Variants in EVA1C observed in about 807,000 individuals in gnomAD.
EVA1C encodes the protein protein eva-1 homolog C.
In EVA1C, 25 loss-of-function variants were observed where a neutral mutation model predicts 45.4. The ratio of observed to expected loss-of-function variants is 0.55; its 90% CI spans 0.40 to 0.77. EVA1C has a LOEUF of 0.77. EVA1C is among the 30% of genes least tolerant of loss of function. EVA1C has a pLI of 0.00. For synonymous variants in EVA1C, 190 were observed against 221.2 expected (o/e 0.86, Z 1.25); for missense variants, 479 against 554.8 (o/e 0.86, Z 1.37).
intron 1 of EVA1C, among the ~76,000 whole-genome samples, chr21:32,444,941 T>C (rs1448308218): frequency 1.3e-5 from 2 of 150,816 alleles, no homozygotes; most frequent in Non-Finnish European, 3.0e-5. Flanking sequence ...TTGGGACACA[T>C]ACCATGATTC....
chr21:32,495,541 T>C (rs1443405080), intron 5 of EVA1C, among the ~76,000 whole-genome samples: 2 of 152,222 alleles, frequency 1.3e-5, no homozygotes, highest in African/African-American at 2.4e-5. Context: ...TCGAATTATG[T>C]GTCTCCTATT....
intron 5 of EVA1C, among the ~76,000 whole-genome samples, chr21:32,500,329 T>G (rs2037488336): frequency 6.6e-6 from 1 of 151,822 alleles, no homozygotes; most frequent in South Asian, 2.1e-4. Context: ...TTTGTATCTT[T>G]TAGTAGAGAT....
At chr21:32,471,088 A>G (rs2036353713) in intron 4 of EVA1C, among the ~76,000 whole-genome samples, 2 of 246 alleles carry the variant, frequency 8.1e-3, no homozygotes, top group Admixed American at 0.056. Flanking sequence ...CAAATCTGTC[A>G]CTAACCCTTC....
chr21:32,427,285 T>G (rs991910154), intron 1 of EVA1C, among the ~76,000 whole-genome samples: 6 of 152,228 alleles, frequency 3.9e-5, no homozygotes, highest in African/African-American at 1.4e-4. Flanking sequence ...ATACATTTGT[T>G]TTTTCAGAGC....
intron 4 of EVA1C, among the ~76,000 whole-genome samples, chr21:32,478,888 G>T (rs756678019): frequency 1.3e-5 from 2 of 152,214 alleles, no homozygotes; most frequent in East Asian, 3.9e-4. Context: ...CTGGGCTAAG[G>T]CCACTCCGAG....
intron 4 of EVA1C, among the ~76,000 whole-genome samples, chr21:32,484,750 C>A (rs919226609): frequency 1.3e-5 from 2 of 152,076 alleles, no homozygotes; most frequent in Non-Finnish European, 2.9e-5. Context: ...TGGACAGGCA[C>A]CTTTGGCCTC....
At chr21:32,477,145 C>G (rs902129028) in intron 4 of EVA1C, among the ~76,000 whole-genome samples, 8 of 152,156 alleles carry the variant, frequency 5.3e-5, no homozygotes, top group Admixed American at 3.9e-4. Context: ...CCCAGCAAGT[C>G]TGTGTCCACT....
At chr21:32,444,564 A>C (rs371291008) in intron 1 of EVA1C, among the ~76,000 whole-genome samples, 10 of 152,290 alleles carry the variant, frequency 6.6e-5, no homozygotes, top group African/African-American at 2.2e-4. Context: ...GACTTCCAAA[A>C]ACCTGTACAT....
At chr21:32,429,116 C>T (rs1026165136) in intron 1 of EVA1C, among the ~76,000 whole-genome samples, 7 of 149,462 alleles carry the variant, frequency 4.7e-5, no homozygotes, top group African/African-American at 1.0e-4. Context: ...CCTCGCCTCC[C>T]GGGTTTAAGT....
At position 32,413,024 on chromosome 21, in the gene EVA1C, C is replaced by T. The variant is rs2033890833; in HGVS notation, c.160+11C>T. 2 of 1,396,460 alleles carry T rather than the reference C, an allele frequency of 1.4e-6. No individual in the cohort carries two copies. Among genetic ancestry groups the T allele is most frequent in the Non-Finnish European group, 1.9e-6 (2 of 1,065,692 alleles). 86.5% of individuals were successfully genotyped at this position (1,396,460 alleles called of 1,614,324 possible). ...TCACCGACTTCTCTGGTAAGAGCGC[C>T]CTCCCTGGCTGTGTGCCCCCGGCAC... On this transcript the variant is annotated intron_variant, in intron 1 of 7. Coordinates refer to ENST00000300255, the MANE Select transcript of EVA1C (RefSeq NM_058187.5).
At chr21:32,485,307 A>ACAGG (rs929849195) in intron 4 of EVA1C, among the ~76,000 whole-genome samples, 6 of 152,148 alleles carry the variant, frequency 3.9e-5, no homozygotes, top group African/African-American at 1.4e-4. Flanking sequence ...GGCTAGGATT[A>ACAGG]CAGGCGTGCA....
chr21:32,488,573 A>C (rs1408517716), intron 4 of EVA1C, among the ~76,000 whole-genome samples: 2 of 146,280 alleles, frequency 1.4e-5, no homozygotes, highest in African/African-American at 5.1e-5. Context: ...GCACCTTTCC[A>C]TATAGCTGTT....
intron 1 of EVA1C, among the ~76,000 whole-genome samples, chr21:32,425,588 T>G (rs1056898741): frequency 1.3e-5 from 2 of 152,182 alleles, no homozygotes; most frequent in African/African-American, 2.4e-5. Context: ...TCCCTGGCTA[T>G]TCAAGTCAAG....
In EVA1C at chr21:32,503,992, T is replaced by G. The variant is rs1308999695; in HGVS notation, c.926T>G (p.Leu309Arg). 1.7e-5 allele frequency: 28 copies of G among 1,611,236 alleles called. No homozygotes were observed. The highest frequency in any genetic ancestry group is 2.3e-5 in the Non-Finnish European group (27 of 1,179,204). Residue 309 changes from leucine (L) to arginine (R), a missense_variant, in exon 7 of 8, where the codon CTG becomes CGG. Leu to Arg is a moderately radical substitution (Grantham distance 102). Transcript: ENST00000300255. ...RKDGILVSNSLAAFAYIRAHP... is the reference protein window; with the variant it reads ...RKDGILVSNSRAAFAYIRAHP... ...GATGGAATTCTTGTTAGCAACTCTC[T>G]GGCAGCCTTTGCTTACATTAGAGGT...
At chr21:32,453,851 G>A (rs1265000610) in intron 2 of EVA1C, among the ~76,000 whole-genome samples, 1 of 152,172 alleles carries the variant, frequency 6.6e-6, no homozygotes, top group East Asian at 1.9e-4. Context: ...AAATACTCCT[G>A]TAGAAAGGGA....
At chr21:32,484,740 T>C (rs2036913236) in intron 4 of EVA1C, among the ~76,000 whole-genome samples, 1 of 152,122 alleles carries the variant, frequency 6.6e-6, no homozygotes, top group South Asian at 2.1e-4. Flanking sequence ...ATCTCTCTTC[T>C]GGACAGGCAC....
At chr21:32,424,523 T>G (rs950941305) in intron 1 of EVA1C, among the ~76,000 whole-genome samples, 2 of 152,214 alleles carry the variant, frequency 1.3e-5, no homozygotes, top group African/African-American at 4.8e-5. Flanking sequence ...TCAATTTCCT[T>G]GTAAAATTAA....
intron 1 of EVA1C, among the ~76,000 whole-genome samples, chr21:32,450,086 A>G: frequency 6.6e-6 from 1 of 152,228 alleles, no homozygotes; most frequent in Non-Finnish European, 1.5e-5. Context: ...TTCTGCCCCC[A>G]GAATACCACT....
intron 1 of EVA1C, among the ~76,000 whole-genome samples, chr21:32,445,967 G>A (rs2035349267): frequency 1.3e-5 from 2 of 152,158 alleles, no homozygotes; most frequent in South Asian, 4.1e-4. Flanking sequence ...CATCCAGCTG[G>A]GTGTGGTGGC....
Sources: allele counts gnomAD v4.1 joint callset (sites outside exome capture counted in the v4.1 genomes callset), GRCh38; gene constraint gnomAD v4.1.1; transcripts MANE v1.5; gene names NCBI Gene and HGNC (gene_info 2026-07-23, HGNC 2026-07-21).